Variants in ZNF490 observed in about 807,000 individuals in gnomAD.
The protein encoded by ZNF490 is zinc finger protein 490.
In ZNF490, 11 loss-of-function variants were observed where a neutral mutation model predicts 17.7. That is an observed-to-expected ratio of 0.62 (90% confidence interval 0.39 to 1.03). The LOEUF (loss-of-function observed/expected upper bound fraction) is 1.03. Ranked by LOEUF, ZNF490 falls within the 50% of genes least tolerant of loss-of-function variation. The pLI, the probability that ZNF490 is intolerant of heterozygous loss-of-function variation, is 0.00. For missense variants in ZNF490, 542 were observed against 643.4 expected, an observed-to-expected ratio of 0.84 and a Z score of 1.71; for synonymous variants, 222 against 216.1, an observed-to-expected ratio of 1.03 and a Z score of -0.24.
At chr19:12,583,812 T>TG (rs1555700225) in intron 2 of ZNF490, among the ~76,000 whole-genome samples, 8 of 50,518 alleles carry the variant, frequency 1.6e-4, no homozygotes, top group African/African-American at 6.7e-4. Flanking sequence ...TATATATATA[T>TG]TTTTTTTTTT....
intron 2 of ZNF490, among the ~76,000 whole-genome samples, chr19:12,592,148 C>T (rs2022880762): frequency 6.6e-6 from 1 of 152,122 alleles, no homozygotes; most frequent in African/African-American, 2.4e-5. Flanking sequence ...CTATCCTGGC[C>T]AACATGGTGA....
In ZNF490 at chr19:12,582,919, C is replaced by T; in HGVS notation, c.290-9G>A. The T allele has an allele frequency of 6.2e-7, 1 of 1,607,856 alleles. No homozygotes were observed. Among genetic ancestry groups the T allele is most frequent in the Non-Finnish European group, 8.5e-7 (1 of 1,176,260 alleles). ...GTCTTTCCATTTTTCCCCTAAAATA[C>T]AAGCCCAGAGAACTCACAATAAATT... On this transcript the variant is annotated splice_polypyrimidine_tract_variant and intron_variant, in intron 3 of 4. Transcript: ENST00000311437.
chr19:12,580,072 A>G lies in ZNF490; in HGVS notation c.*413T>C, dbSNP rs2022706919. The G allele has an allele frequency of 1.1e-6, 1 of 900,500 alleles. No homozygotes were observed. The highest frequency in any genetic ancestry group is 1.3e-6 in the Non-Finnish European group (1 of 751,438). The allele number at this position is 900,500 out of a possible 1,614,324, so 55.8% of individuals were successfully genotyped here. Reference sequence around the variant, plus strand: ...CGGTGAGCCGCGATCGCACCACTGCACTCCAGCCTGGGCAACAAGAGCAAA... The same window carrying G: ...CGGTGAGCCGCGATCGCACCACTGCGCTCCAGCCTGGGCAACAAGAGCAAA... On this transcript the variant is annotated 3_prime_UTR_variant, in exon 5 of 5. Transcript: ENST00000311437.
At position 12,577,646 on chromosome 19, in the gene ZNF490, G is replaced by C. The variant is rs930758368; in HGVS notation, c.*2839C>G. 4 of 985,430 alleles carry C rather than the reference G, an allele frequency of 4.1e-6. No homozygotes were observed. The highest frequency in any genetic ancestry group is 4.8e-6 in the Non-Finnish European group (4 of 829,938). The allele number at this position is 985,430 out of a possible 1,614,324, so 61.0% of individuals were successfully genotyped here. A position where few individuals can be genotyped will look rare whatever the true frequency, so the allele number is the denominator to read the frequency against. On this transcript the variant is annotated 3_prime_UTR_variant, in exon 5 of 5. Coordinates refer to ENST00000311437, the MANE Select transcript of ZNF490 (RefSeq NM_020714.3). ...GAGGCCTCATCTGCCAGCAAACCTT[G>C]CTCCAGTCGGCCTCTGGACCCTAGT...
chr19:12,595,210 C>G (rs924934471), intron 2 of ZNF490, among the ~76,000 whole-genome samples: 1 of 150,806 alleles, frequency 6.6e-6, no homozygotes, highest in Non-Finnish European at 1.5e-5. Flanking sequence ...GGTGTGATCT[C>G]GGCTCACCAC....
At chr19:12,583,777 C>A (rs1269851295) in intron 2 of ZNF490, among the ~76,000 whole-genome samples, 1 of 102,330 alleles carries the variant, frequency 9.8e-6, no homozygotes, top group African/African-American at 4.2e-5. Flanking sequence ...CTCTCTCTCT[C>A]TCTCTCTCTC....
At chr19:12,597,329 T>C (rs2022946967) in intron 2 of ZNF490, 1 of 371,396 alleles carries the variant, frequency 2.7e-6, no homozygotes, top group Non-Finnish European at 5.5e-6. Flanking sequence ...AAGCGCCTTT[T>C]CAACACCGAT....
At chr19:12,595,925 T>C (rs2022927310) in intron 2 of ZNF490, among the ~76,000 whole-genome samples, 1 of 151,360 alleles carries the variant, frequency 6.6e-6, no homozygotes, top group Non-Finnish European at 1.5e-5. Context: ...CACTCCAGCC[T>C]GAGCAAAAGA....
intron 2 of ZNF490, among the ~76,000 whole-genome samples, chr19:12,601,362 T>C (rs1238239746): frequency 1.3e-5 from 2 of 150,420 alleles, no homozygotes; most frequent in African/African-American, 2.5e-5. Context: ...CACTCTAGCC[T>C]GGGTGACAGA....
intron 2 of ZNF490, among the ~76,000 whole-genome samples, chr19:12,606,654 T>C (rs2023071959): frequency 6.6e-6 from 1 of 152,050 alleles, no homozygotes; most frequent in Non-Finnish European, 1.5e-5. Context: ...CAATTTTTTT[T>C]ATTTTTATAG....
Position 12,576,320 on chromosome 19 carries a change from A to G in ZNF490, c.*4165T>C, listed in dbSNP as rs549521285. Among the ~76,000 whole-genome samples the G allele has an allele frequency of 1.2e-4, 18 of 152,258 alleles. No homozygotes were observed. The highest frequency in any genetic ancestry group is 8.5e-4 in the Admixed American group (13 of 15,274). On this transcript the variant is annotated 3_prime_UTR_variant, in exon 5 of 5. Transcript: ENST00000311437. ...CAGGAGGGCGAGACCATCCTGGCCA[A>G]CATGGTGAAACCCCGTCTCTACTAA...
At chr19:12,598,106 C>T (rs796116709) in intron 2 of ZNF490, among the ~76,000 whole-genome samples, 1 of 151,862 alleles carries the variant, frequency 6.6e-6, no homozygotes, top group African/African-American at 2.4e-5. Flanking sequence ...CGCCTGTAAT[C>T]CCAGCTACTC....
intron 1 of ZNF490, among the ~76,000 whole-genome samples, chr19:12,609,406 A>T (rs1206259773): frequency 6.6e-6 from 1 of 152,064 alleles, no homozygotes. Context: ...TAAAAAAAAA[A>T]TTTAGAGACA....
Position 12,580,088 on chromosome 19 carries a change from C to T in ZNF490, c.*397G>A, listed in dbSNP as rs1042419439. The T allele has an allele frequency of 2.0e-6, 2 of 976,052 alleles. No homozygotes were observed. The highest frequency in any genetic ancestry group is 2.4e-6 in the Non-Finnish European group (2 of 819,668). 60.5% of individuals were successfully genotyped at this position (976,052 alleles called of 1,614,324 possible). A position where few individuals can be genotyped will look rare whatever the true frequency, so the allele number is the denominator to read the frequency against. On this transcript the variant is annotated 3_prime_UTR_variant, in exon 5 of 5. Transcript: ENST00000311437. ...CACCACTGCACTCCAGCCTGGGCAACAAGAGCAAAATTACATCTCAACAAA... is the reference window on the plus strand; with the variant it reads ...CACCACTGCACTCCAGCCTGGGCAATAAGAGCAAAATTACATCTCAACAAA...
chr19:12,589,871 C>CATGT (rs557685394), intron 2 of ZNF490, among the ~76,000 whole-genome samples: 6,703 of 149,494 alleles, frequency 0.045, 437 homozygotes, highest in African/African-American at 0.13. Flanking sequence ...TCTCACCATT[C>CATGT]ATGTATGTAT....
chr19:12,597,072 G>A (rs2022942941), intron 2 of ZNF490: 4 of 456,844 alleles, frequency 8.8e-6, no homozygotes, highest in Non-Finnish European at 1.8e-5. Flanking sequence ...CTGCGCCAGG[G>A]GGACTCGGGT....
chr19:12,578,856 C>T lies in ZNF490; in HGVS notation c.*1629G>A, dbSNP rs575641171. On this transcript the variant is annotated 3_prime_UTR_variant, in exon 5 of 5. Coordinates refer to ENST00000311437, the MANE Select transcript of ZNF490 (RefSeq NM_020714.3). Reference sequence around the variant, plus strand: ...CTTCTTCCCCATTCCTTTAATTCTTCCTACGAAGAATCTCGACAATGGTTG... The same window carrying T: ...CTTCTTCCCCATTCCTTTAATTCTTTCTACGAAGAATCTCGACAATGGTTG... 3.3e-5 allele frequency: 33 copies of T among 985,464 alleles called. No homozygotes were observed. In the South Asian group the frequency reaches 1.4e-3, roughly 41 times the overall value. The allele number at this position is 985,464 out of a possible 1,614,324, so 61.0% of individuals were successfully genotyped here.
chr19:12,596,348 T>C (rs915397714), intron 2 of ZNF490, among the ~76,000 whole-genome samples: 2 of 151,664 alleles, frequency 1.3e-5, no homozygotes, highest in African/African-American at 2.4e-5. Context: ...AAGGAATTGC[T>C]TCTCCACCGT....
At chr19:12,600,083 C>T (rs2022983420) in intron 2 of ZNF490, among the ~76,000 whole-genome samples, 2 of 152,064 alleles carry the variant, frequency 1.3e-5, no homozygotes, top group Non-Finnish European at 2.9e-5. Context: ...TGGGTTTAGG[C>T]CAGGCGCCGT....
Sources: gnomAD v4.1 joint callset for allele counts (sites outside exome capture counted in the v4.1 genomes callset) on GRCh38, gnomAD v4.1.1 for gene constraint, MANE v1.5 for transcripts, NCBI Gene and HGNC (gene_info 2026-07-23, HGNC 2026-07-21) for gene names.